Variants in ARHGAP24 observed in about 807,000 individuals in gnomAD.
ARHGAP24 encodes the protein Rho GTPase activating protein 24.
Under a neutral mutation model 76.4 loss-of-function variants are expected in ARHGAP24, and 50 were observed. That is an observed-to-expected ratio of 0.65 (90% CI 0.52 to 0.83). The LOEUF (loss-of-function observed/expected upper bound fraction) is 0.83. Ranked by LOEUF, ARHGAP24 falls within the 40% of genes least tolerant of loss-of-function variation. The pLI is 0.00. For synonymous variants in ARHGAP24, 345 were observed against 323.3 expected (o/e 1.07, Z -0.72); for missense variants, 930 against 914.2 (o/e 1.02, Z -0.22).
At chr4:85,574,814 A>G (rs953863232) in intron 2 of ARHGAP24, among the ~76,000 whole-genome samples, 2 of 152,220 alleles carry the variant, frequency 1.3e-5, no homozygotes, top group African/African-American at 4.8e-5. Flanking sequence ...TTAGTGCATT[A>G]TGTACTTAAA....
intron 2 of ARHGAP24, among the ~76,000 whole-genome samples, chr4:85,614,944 G>C (rs879112734): frequency 6.6e-6 from 1 of 152,002 alleles, no homozygotes; most frequent in African/African-American, 2.4e-5. Context: ...TTATTGAAAT[G>C]TAATTTGACT....
Position 85,655,804 on chromosome 4 carries a change from G to T in ARHGAP24, c.181-66081G>T, listed in dbSNP as rs1298145992. 2.0e-3 allele frequency among the ~76,000 whole-genome samples: 140 copies of T among 71,156 alleles called. 1 individual carries two copies. Among genetic ancestry groups the T allele is most frequent in the East Asian group, 8.3e-3 (16 of 1,928 alleles). The allele number at this position is 71,156 out of a possible 152,430, so 46.7% of individuals were successfully genotyped here. A position where few individuals can be genotyped will look rare whatever the true frequency, so the allele number is the denominator to read the frequency against. ...ATATATATATATATAGAGAGAGAGA[G>T]AGAGAGAGAGAGAAAGAGAGAGAGA... On this transcript the variant is annotated intron_variant, in intron 2 of 9. Transcript: ENST00000395184.
At chr4:85,861,780 A>G (rs1345050083) in intron 3 of ARHGAP24, among the ~76,000 whole-genome samples, 3 of 152,056 alleles carry the variant, frequency 2.0e-5, no homozygotes, top group Admixed American at 6.6e-5. Context: ...TACTGAAGTA[A>G]TCTCCTGAAA....
intron 3 of ARHGAP24, among the ~76,000 whole-genome samples, chr4:85,806,000 A>C (rs183313553): frequency 1.8e-4 from 27 of 152,270 alleles, no homozygotes; most frequent in Non-Finnish European, 4.4e-5. Flanking sequence ...TTCTTCAGAC[A>C]TACTTATTTG....
intron 1 of ARHGAP24, among the ~76,000 whole-genome samples, chr4:85,512,531 T>C (rs1724323812): frequency 6.6e-6 from 1 of 152,214 alleles, no homozygotes; most frequent in Non-Finnish European, 1.5e-5. Context: ...GAGATTACTA[T>C]ATTTTATTAA....
At chr4:85,690,760 T>TTG (rs1723624534) in intron 2 of ARHGAP24, among the ~76,000 whole-genome samples, 1 of 137,812 alleles carries the variant, frequency 7.3e-6, no homozygotes, top group Admixed American at 6.8e-5. Flanking sequence ...TCAATCTTGT[T>TTG]TTTTTTTTTT....
At chr4:85,577,783 G>A (rs551440738) in intron 2 of ARHGAP24, among the ~76,000 whole-genome samples, 1 of 152,228 alleles carries the variant, frequency 6.6e-6, no homozygotes, top group Non-Finnish European at 1.5e-5. Flanking sequence ...CTTCTCAAAG[G>A]AATAATTTAA....
intron 5 of ARHGAP24, among the ~76,000 whole-genome samples, chr4:85,942,760 G>A (rs17011258): frequency 0.066 from 9,967 of 152,028 alleles, 1,153 homozygotes; most frequent in African/African-American, 0.23. Context: ...GAGAAGTACA[G>A]CATGGTGAAA....
At chr4:85,591,030 GGTTTTTTTT>G (rs1728075204) in intron 2 of ARHGAP24, among the ~76,000 whole-genome samples, 1 of 121,854 alleles carries the variant, frequency 8.2e-6, no homozygotes, top group African/African-American at 3.2e-5. Context: ...AAATCTGCTG[GGTTTTTTTT>G]TTTTTTTTTT....
intron 3 of ARHGAP24, among the ~76,000 whole-genome samples, chr4:85,727,585 T>C (rs968158408): frequency 1.3e-5 from 2 of 152,170 alleles, no homozygotes; most frequent in African/African-American, 4.8e-5. Context: ...TATAGACAAC[T>C]GTCAACGCTC....
intron 1 of ARHGAP24, among the ~76,000 whole-genome samples, chr4:85,489,731 G>A (rs1349030533): frequency 2.6e-5 from 4 of 152,090 alleles, no homozygotes; most frequent in East Asian, 1.9e-4. Flanking sequence ...ATTTCCTTCC[G>A]ACATTTGCTC....
intron 3 of ARHGAP24, among the ~76,000 whole-genome samples, chr4:85,811,541 AAGT>A: frequency 6.6e-6 from 1 of 152,304 alleles, no homozygotes; most frequent in East Asian, 1.9e-4. Context: ...CACAATTTCT[AAGT>A]AGGTTTCACC....
chr4:85,492,743 A>C (rs1723408885), intron 1 of ARHGAP24, among the ~76,000 whole-genome samples: 1 of 152,226 alleles, frequency 6.6e-6, no homozygotes, highest in Admixed American at 6.5e-5. Flanking sequence ...AAACATAAAA[A>C]ATTGCAAAAT....
intron 3 of ARHGAP24, among the ~76,000 whole-genome samples, chr4:85,733,359 G>A (rs1725490700): frequency 6.6e-6 from 1 of 151,698 alleles, no homozygotes; most frequent in South Asian, 2.1e-4. Context: ...CACCACGCTG[G>A]GCCCAGGCCT....
At position 85,648,120 on chromosome 4, in the gene ARHGAP24, G is replaced by A. The variant is rs186187417; in HGVS notation, c.181-73765G>A. On this transcript the variant is annotated intron_variant, in intron 2 of 9. Transcript: ENST00000395184. The stretch of plus-strand genomic sequence containing the variant: ...CACACCTGTTGTAGGAAATGTGTAC[G>A]CACTTACAGATTATCTGCAGAACCA... Among the ~76,000 whole-genome samples, 22 of 152,060 alleles carry A rather than the reference G, an allele frequency of 1.4e-4. 1 individual carries two copies. The highest frequency in any genetic ancestry group is 1.1e-3 in the Admixed American group (17 of 15,246).
chr4:85,524,072 A>C (rs541055442), intron 1 of ARHGAP24, among the ~76,000 whole-genome samples: 1 of 152,096 alleles, frequency 6.6e-6, no homozygotes, highest in East Asian at 1.9e-4. Flanking sequence ...TGGGAGACTG[A>C]ATAATTTTTC....
At position 85,942,122 on chromosome 4, in the gene ARHGAP24, C is replaced by G; in HGVS notation, c.448C>G (p.Arg150Gly). The G allele has an allele frequency of 6.2e-7, 1 of 1,613,882 alleles. No homozygotes were observed. The highest frequency in any genetic ancestry group is 8.5e-7 in the Non-Finnish European group (1 of 1,179,994). The change falls in exon 5 of 10, where the codon CGT becomes GGT. Residue 150 changes from arginine (R) to glycine (G), a missense_variant. Arg to Gly is a moderately radical substitution (Grantham distance 125). Transcript: ENST00000395184. ...TVRYEKRYGN[R>G]LAPMLVEQCV... is the part of the protein sequence containing the mutation. The stretch of plus-strand genomic sequence containing the variant: ...TCGTTATGAGAAGAGATATGGGAAC[C>G]GTCTGGCTCCGATGTTGGTGGAGCA...
intron 3 of ARHGAP24, among the ~76,000 whole-genome samples, chr4:85,739,614 C>CTTTTTTTT (rs1185155863): frequency 1.3e-4 from 1 of 7,476 alleles, no homozygotes; most frequent in African/African-American, 1.4e-4. Flanking sequence ...CACGTTCAAT[C>CTTTTTTTT]TTTTTTTTTT....
intron 2 of ARHGAP24, among the ~76,000 whole-genome samples, chr4:85,609,752 G>A (rs1720318591): frequency 6.6e-6 from 1 of 152,038 alleles, no homozygotes; most frequent in African/African-American, 2.4e-5. Flanking sequence ...TGTCTTAATG[G>A]ATATATACAT....
Sources: allele counts gnomAD v4.1 joint callset (sites outside exome capture counted in the v4.1 genomes callset), GRCh38; gene constraint gnomAD v4.1.1; transcripts MANE v1.5; gene names NCBI Gene and HGNC (gene_info 2026-07-23, HGNC 2026-07-21).